LDLRAD3: variants seen among roughly 807,000 people sequenced by gnomAD.
LDLRAD3 encodes low density lipoprotein receptor class A domain containing 3, also known as low-density lipoprotein receptor class A domain-containing protein 3.
Under a neutral mutation model 29.4 loss-of-function variants are expected in LDLRAD3, and 20 were observed. The ratio of observed to expected loss-of-function variants is 0.68; its 90% confidence interval spans 0.48 to 0.99. LDLRAD3 has a LOEUF of 0.99. Among genes scored for constraint, LDLRAD3 ranks in the 50% least tolerant of loss-of-function variants. LDLRAD3 has a pLI of 0.00. For synonymous variants in LDLRAD3, 157 were observed against 192.7 expected, an observed-to-expected ratio of 0.81 and a Z score of 1.53; for missense variants, 420 against 454.3, an observed-to-expected ratio of 0.92 and a Z score of 0.69.
chr11:36,130,946 AC>A (rs1475025020), intron 4 of LDLRAD3, among the ~76,000 whole-genome samples: 1 of 151,990 alleles, frequency 6.6e-6, no homozygotes, highest in Non-Finnish European at 1.5e-5. Flanking sequence ...TCTTTATCTA[AC>A]CCTGCTGGTG....
At chr11:36,122,466 G>A (rs900719543) in intron 4 of LDLRAD3, among the ~76,000 whole-genome samples, 5 of 152,136 alleles carry the variant, frequency 3.3e-5, no homozygotes, top group Non-Finnish European at 5.9e-5. Flanking sequence ...GTGTAATAAC[G>A]TTGGTAAAGA....
chr11:36,072,135 G>T (rs796751360), intron 2 of LDLRAD3, among the ~76,000 whole-genome samples: 4 of 152,344 alleles, frequency 2.6e-5, no homozygotes, highest in African/African-American at 9.6e-5. Context: ...GGAGTGGGAG[G>T]TGAGCAGGGG....
At chr11:35,996,031 A>G (rs1851749977) in intron 1 of LDLRAD3, among the ~76,000 whole-genome samples, 1 of 152,158 alleles carries the variant, frequency 6.6e-6, no homozygotes, top group East Asian at 1.9e-4. Flanking sequence ...TTGTGTGTTC[A>G]TTGGAGTAAC....
intron 4 of LDLRAD3, among the ~76,000 whole-genome samples, chr11:36,172,835 G>C (rs1448755913): frequency 1.3e-5 from 2 of 152,086 alleles, no homozygotes; most frequent in Admixed American, 6.6e-5. Context: ...GGTGATACTG[G>C]CTTCATAGAA....
At chr11:35,950,952 A>G (rs1056410222) in intron 1 of LDLRAD3, among the ~76,000 whole-genome samples, 18 of 152,098 alleles carry the variant, frequency 1.2e-4, no homozygotes, top group South Asian at 2.1e-4. Context: ...GAGTGGTGGC[A>G]CGCACCTGTA....
chr11:36,188,742 G>A lies in LDLRAD3; in HGVS notation c.455-38343G>A, dbSNP rs959420325. Among the ~76,000 whole-genome samples, 6 of 152,194 alleles carry A rather than the reference G, an allele frequency of 3.9e-5. No homozygotes were observed. In the East Asian group the frequency reaches 1.2e-3, roughly 29 times the overall value. ...CCAGATATGAAGCACAGCTGAGAAT[G>A]GGGGTCCGTTTCTGAAAACAGGGAT... On this transcript the variant is annotated intron_variant, in intron 4 of 5. Coordinates refer to ENST00000315571, the MANE Select transcript of LDLRAD3 (RefSeq NM_174902.4).
In LDLRAD3 at chr11:36,061,442, A is replaced by G. The variant is rs1399249243; in HGVS notation, c.194-20211A>G. 2.0e-5 allele frequency among the ~76,000 whole-genome samples: 3 copies of G among 152,142 alleles called. No homozygotes were observed. In the East Asian group the frequency reaches 5.8e-4, roughly 29 times the overall value. ...AGGTGTGAGCCACTGTGCCTGGCCA[A>G]GCATGAAGCAATCTTGTGCTGGTAC... On this transcript the variant is annotated intron_variant, in intron 2 of 5. Transcript: ENST00000315571.
At chr11:35,979,199 G>GT (rs780244756) in intron 1 of LDLRAD3, among the ~76,000 whole-genome samples, 32 of 152,120 alleles carry the variant, frequency 2.1e-4, no homozygotes, top group Non-Finnish European at 4.0e-4. Context: ...CAGGCATGTG[G>GT]TTTTTCCTTT....
chr11:36,021,567 C>T (rs1852096276), intron 1 of LDLRAD3, among the ~76,000 whole-genome samples: 1 of 152,174 alleles, frequency 6.6e-6, no homozygotes, highest in African/African-American at 2.4e-5. Flanking sequence ...TTTGTGAAGA[C>T]AGATTCAGGA....
intron 1 of LDLRAD3, among the ~76,000 whole-genome samples, chr11:35,991,435 G>A (rs1449848876): frequency 2.6e-5 from 4 of 152,082 alleles, no homozygotes; most frequent in Non-Finnish European, 4.4e-5. Context: ...GCCGGAACAT[G>A]GTGAAATTAA....
At chr11:36,039,903 T>A (rs1198162223) in intron 2 of LDLRAD3, among the ~76,000 whole-genome samples, 1 of 152,210 alleles carries the variant, frequency 6.6e-6, no homozygotes, top group South Asian at 2.1e-4. Flanking sequence ...AGAGTCAGGG[T>A]GGACAGGGCT....
intron 4 of LDLRAD3, among the ~76,000 whole-genome samples, chr11:36,178,884 G>T (rs1393706372): frequency 2.0e-5 from 3 of 152,078 alleles, no homozygotes; most frequent in Non-Finnish European, 4.4e-5. Flanking sequence ...CCTGACACTT[G>T]CCTACCTTGA....
chr11:36,031,459 C>T (rs1335546459), intron 1 of LDLRAD3, among the ~76,000 whole-genome samples: 2 of 152,130 alleles, frequency 1.3e-5, no homozygotes, highest in African/African-American at 4.8e-5. Context: ...GCAGGTGGAA[C>T]TTTCTAGGGA....
At chr11:36,076,287 C>A (rs1023568617) in intron 2 of LDLRAD3, among the ~76,000 whole-genome samples, 9 of 152,040 alleles carry the variant, frequency 5.9e-5, no homozygotes, top group Non-Finnish European at 8.8e-5. Context: ...TTTTTAAAGA[C>A]CTTGAGTTCA....
intron 3 of LDLRAD3, among the ~76,000 whole-genome samples, chr11:36,091,287 C>T (rs536854479): frequency 4.6e-5 from 7 of 152,094 alleles, no homozygotes; most frequent in East Asian, 1.9e-4. Context: ...GGAGAGGAGC[C>T]GACTTCACAG....
At chr11:36,108,830 T>C (rs1006793537) in intron 4 of LDLRAD3, among the ~76,000 whole-genome samples, 1 of 152,052 alleles carries the variant, frequency 6.6e-6, no homozygotes, top group Non-Finnish European at 1.5e-5. Flanking sequence ...ATGGTTGCCA[T>C]CAGGGAAAAG....
chr11:36,146,485 C>T (rs1001853131), intron 4 of LDLRAD3, among the ~76,000 whole-genome samples: 2 of 152,090 alleles, frequency 1.3e-5, no homozygotes, highest in Admixed American at 6.5e-5. Context: ...TATTGGTTTC[C>T]TCAGGCTGCA....
chr11:36,132,667 C>T (rs11033447), intron 4 of LDLRAD3, among the ~76,000 whole-genome samples: 30,121 of 152,158 alleles, frequency 0.2, 3,554 homozygotes, highest in East Asian at 0.38. Context: ...GGTGATGTTG[C>T]GTTTTTTCTT....
intron 4 of LDLRAD3, among the ~76,000 whole-genome samples, chr11:36,130,717 C>T (rs1270481735): frequency 1.3e-5 from 2 of 152,204 alleles, no homozygotes; most frequent in Non-Finnish European, 2.9e-5. Context: ...TCTTACAGAT[C>T]AGCCCACGTA....
Sources: gnomAD v4.1 joint callset for allele counts (sites outside exome capture counted in the v4.1 genomes callset) on GRCh38, gnomAD v4.1.1 for gene constraint, MANE v1.5 for transcripts, NCBI Gene and HGNC (gene_info 2026-07-23, HGNC 2026-07-21) for gene names.